PRIMA1: variants seen among roughly 807,000 people sequenced by gnomAD.
The protein encoded by PRIMA1 is proline-rich membrane anchor 1.
In PRIMA1, 7 loss-of-function variants were observed where a neutral mutation model predicts 17.5. That is an observed-to-expected ratio of 0.40 (90% confidence interval 0.23 to 0.75). The LOEUF is 0.75. Among genes scored for constraint, PRIMA1 ranks in the 30% least tolerant of loss-of-function variants. PRIMA1 has a pLI of 0.37. For missense variants in PRIMA1, 200 were observed against 201.8 expected, an observed-to-expected ratio of 0.99 and a Z score of 0.05; for synonymous variants, 97 against 77.9, an observed-to-expected ratio of 1.25 and a Z score of -1.29.
At chr14:93,725,238 C>A (rs1325239164) in intron 4 of PRIMA1, among the ~76,000 whole-genome samples, 1 of 150,422 alleles carries the variant, frequency 6.6e-6, no homozygotes, top group Non-Finnish European at 1.5e-5. Flanking sequence ...CAGGTAAGGG[C>A]CCCAGACAGG....
At chr14:93,746,436 G>C (rs556023014) in intron 3 of PRIMA1, among the ~76,000 whole-genome samples, 9 of 152,098 alleles carry the variant, frequency 5.9e-5, no homozygotes, top group Non-Finnish European at 8.8e-5. Flanking sequence ...CAGGTATCTG[G>C]GGGAAGGAAT....
At chr14:93,754,176 T>C (rs1003413150) in intron 3 of PRIMA1, among the ~76,000 whole-genome samples, 4 of 152,170 alleles carry the variant, frequency 2.6e-5, no homozygotes, top group Admixed American at 2.6e-4. Flanking sequence ...TGACATCTGA[T>C]TTAAGTTTCC....
intron 4 of PRIMA1, among the ~76,000 whole-genome samples, chr14:93,732,914 G>A (rs1205516983): frequency 6.6e-6 from 1 of 152,194 alleles, no homozygotes; most frequent in Non-Finnish European, 1.5e-5. Context: ...CCTGCTGTCA[G>A]AAACATGTGC....
intron 3 of PRIMA1, among the ~76,000 whole-genome samples, chr14:93,772,982 G>A (rs1292632832): frequency 6.6e-6 from 1 of 152,154 alleles, no homozygotes; most frequent in African/African-American, 2.4e-5. Flanking sequence ...GTTAGTTGTA[G>A]GGCATCGAAT....
chr14:93,773,775 G>C (rs540275924), intron 3 of PRIMA1, among the ~76,000 whole-genome samples: 1 of 152,200 alleles, frequency 6.6e-6, no homozygotes, highest in Admixed American at 6.5e-5. Context: ...GCAATGAAGT[G>C]GGGGAGGGAA....
intron 3 of PRIMA1, among the ~76,000 whole-genome samples, chr14:93,756,169 A>T (rs1441406560): frequency 6.6e-6 from 1 of 152,178 alleles, no homozygotes; most frequent in African/African-American, 2.4e-5. Context: ...CACCCAAAGC[A>T]TTGAGATTCC....
chr14:93,755,281 CTG>C (rs2076284069), intron 3 of PRIMA1, among the ~76,000 whole-genome samples: 1 of 152,204 alleles, frequency 6.6e-6, no homozygotes, highest in South Asian at 2.1e-4. Context: ...GATGCTATGA[CTG>C]TGAGATGCAG....
intron 3 of PRIMA1, among the ~76,000 whole-genome samples, chr14:93,752,743 G>T (rs1428996851): frequency 6.6e-6 from 1 of 151,956 alleles, no homozygotes; most frequent in Non-Finnish European, 1.5e-5. Context: ...TGGACAAGCA[G>T]CCCAGTCTGA....
At position 93,733,181 on chromosome 14, in the gene PRIMA1, G is replaced by A. The variant is rs566474050; in HGVS notation, c.359+4060C>T. On this transcript the variant is annotated intron_variant, in intron 4 of 4. Coordinates refer to ENST00000393140, the MANE Select transcript of PRIMA1 (RefSeq NM_178013.4). ...TGCAAATTCAAGTAACACCCTCCCC[G>A]CCCAGTCCCCTGGCCTGGCTAATGT... Among the ~76,000 whole-genome samples, 43 of 152,222 alleles carry A rather than the reference G, an allele frequency of 2.8e-4. 2 individuals are homozygous for A. In the South Asian group the frequency reaches 3.3e-3, roughly 12 times the overall value.
intron 3 of PRIMA1, among the ~76,000 whole-genome samples, chr14:93,759,094 C>G (rs771081775): frequency 2.6e-5 from 4 of 152,126 alleles, no homozygotes; most frequent in Admixed American, 6.5e-5. Flanking sequence ...CAACGGGGGT[C>G]ACTGAATTTT....
At chr14:93,782,086 T>C (rs1383188588) in intron 2 of PRIMA1, among the ~76,000 whole-genome samples, 1 of 150,950 alleles carries the variant, frequency 6.6e-6, no homozygotes, top group Non-Finnish European at 1.5e-5. Flanking sequence ...GCTAACAGAG[T>C]GAAACCCTGT....
intron 4 of PRIMA1, among the ~76,000 whole-genome samples, chr14:93,725,479 A>G (rs528466103): frequency 1.3e-5 from 2 of 151,992 alleles, no homozygotes; most frequent in Non-Finnish European, 2.9e-5. Context: ...CCACCCCTCC[A>G]TCAAGCACGG....
chr14:93,785,239 T>G (rs1414272578), intron 2 of PRIMA1, among the ~76,000 whole-genome samples: 2 of 141,754 alleles, frequency 1.4e-5, no homozygotes, highest in African/African-American at 5.1e-5. Context: ...AGAAGAACCC[T>G]AAATCACAAA....
chr14:93,748,011 T>G (rs2076234914), intron 3 of PRIMA1, among the ~76,000 whole-genome samples: 2 of 147,684 alleles, frequency 1.4e-5, no homozygotes, highest in South Asian at 2.2e-4. Flanking sequence ...TGTATATGAG[T>G]GTGTGAGAGT....
At position 93,726,724 on chromosome 14, in the gene PRIMA1, C is replaced by T. The variant is rs1268673663; in HGVS notation, c.360-5178G>A. ...ACCCATACAAACATGTACTTACACA[C>T]ACACATATATGTACACACAGGCACA... On this transcript the variant is annotated intron_variant, in intron 4 of 4. Coordinates refer to ENST00000393140, the MANE Select transcript of PRIMA1 (RefSeq NM_178013.4). This position sits in a 1 kb window ranked among gnomAD's most constrained non-coding sequence, Gnocchi z 4.2. Among the ~76,000 whole-genome samples the T allele has an allele frequency of 6.6e-6, 1 of 152,040 alleles. No individual in the cohort carries two copies.
chr14:93,760,848 C>T (rs2076321934), intron 3 of PRIMA1, among the ~76,000 whole-genome samples: 1 of 151,830 alleles, frequency 6.6e-6, no homozygotes, highest in African/African-American at 2.4e-5. Context: ...TCTCCCCCTC[C>T]ATTGCTGCCC....
chr14:93,787,015 C>A (rs779943079), intron 2 of PRIMA1, among the ~76,000 whole-genome samples: 1 of 136,394 alleles, frequency 7.3e-6, no homozygotes. Context: ...AGTGACGATG[C>A]GCATTCTGGG....
chr14:93,748,549 G>A (rs1234694265), intron 3 of PRIMA1, among the ~76,000 whole-genome samples: 3 of 152,124 alleles, frequency 2.0e-5, no homozygotes, highest in South Asian at 4.1e-4. Context: ...AGGAAGGAAC[G>A]GGGGACACAG....
At chr14:93,750,033 G>A (rs1566969848) in intron 3 of PRIMA1, among the ~76,000 whole-genome samples, 3 of 152,112 alleles carry the variant, frequency 2.0e-5, no homozygotes, top group Non-Finnish European at 1.5e-5. Context: ...ATACAAAAAA[G>A]TAGCCAGGTA....
Sources: allele counts gnomAD v4.1 joint callset (sites outside exome capture counted in the v4.1 genomes callset), GRCh38; gene constraint gnomAD v4.1.1; non-coding constraint Gnocchi (gnomAD v3.1); transcripts MANE v1.5; gene names NCBI Gene and HGNC (gene_info 2026-07-23, HGNC 2026-07-21).